CACNA1A: variants seen among roughly 807,000 people sequenced by gnomAD.
The protein encoded by CACNA1A is calcium voltage-gated channel subunit alpha1 A.
Under a neutral mutation model 262.4 loss-of-function variants are expected in CACNA1A, and 57 were observed. The ratio of observed to expected loss-of-function variants is 0.22; its 90% CI spans 0.18 to 0.27. The LOEUF (loss-of-function observed/expected upper bound fraction) is 0.27, where lower values mean the gene tolerates loss of function less well. Among genes scored for constraint, CACNA1A ranks in the 10% least tolerant of loss-of-function variants. CACNA1A has a pLI of 1.00. For missense variants in CACNA1A, 2,526 were observed against 3,562.8 expected (o/e 0.71, Z 7.41); for synonymous variants, 1,431 against 1,419.3 (o/e 1.01, Z -0.18).
chr19:13,397,818 C>G (rs1000805906), intron 3 of CACNA1A, among the ~76,000 whole-genome samples: 2 of 152,160 alleles, frequency 1.3e-5, no homozygotes, highest in Admixed American at 6.6e-5. Flanking sequence ...TCTCCTGTGC[C>G]CTTCTCATGC....
intron 38 of CACNA1A, among the ~76,000 whole-genome samples, chr19:13,216,361 GGA>G (rs2055010933): frequency 6.6e-6 from 1 of 152,020 alleles, no homozygotes; most frequent in Non-Finnish European, 1.5e-5. Context: ...TTTTTGAGAT[GGA>G]GTCTCGCTCT....
chr19:13,207,549 C>T lies in CACNA1A; in HGVS notation c.7285G>A (p.Ala2429Thr). Reference protein sequence around the residue: ...DGPGSGGGEEAMAGAYDAPPP... With the variant: ...DGPGSGGGEETMAGAYDAPPP... Reference sequence around the variant, plus strand: ...GGCGCGTCGTAGGCCCCGGCCATGGCCTCCTCGCCGCCCCCGCTGCCCGGG... The same window carrying T: ...GGCGCGTCGTAGGCCCCGGCCATGGTCTCCTCGCCGCCCCCGCTGCCCGGG... The change falls in exon 47 of 47, where the codon GCC becomes ACC. Residue 2429 changes from alanine to threonine, a missense_variant. Ala to Thr is a moderately conservative substitution (Grantham distance 58). Around this residue, in one of 17 missense-constraint regions of CACNA1A, gnomAD observed 929 missense variants for 868.1 expected, o/e 1.07. Transcript: ENST00000360228. The surrounding 1 kb of genome is among the most constrained non-coding windows in gnomAD (Gnocchi z 5.7). The T allele has an allele frequency of 6.9e-7, 1 of 1,459,074 alleles. No individual in the cohort carries two copies. The highest frequency in any genetic ancestry group is 9.0e-7 in the Non-Finnish European group (1 of 1,105,494). 90.4% of individuals were successfully genotyped at this position (1,459,074 alleles called of 1,614,324 possible). A position where few individuals can be genotyped will look rare whatever the true frequency, so the allele number is the denominator to read the frequency against.
At chr19:13,446,528 G>A (rs1437112747) in intron 3 of CACNA1A, among the ~76,000 whole-genome samples, 3 of 143,294 alleles carry the variant, frequency 2.1e-5, no homozygotes, top group Non-Finnish European at 4.5e-5. Context: ...TGCAACCTCT[G>A]CCTCCTGGAT....
Position 13,334,407 on chromosome 19 carries a change from T to C in CACNA1A, c.1169A>G (p.Asn390Ser), listed in dbSNP as rs1064795477. Reference protein sequence around the residue: ...RRQQQIERELNGYMEWISKAE... With the variant: ...RRQQQIERELSGYMEWISKAE... ...TTTTGAGATCCACTCCATGTACCCA[T>C]TGAGCTCACGTTCAATCTGTTGTTG... is the stretch of plus-strand genomic sequence containing the variant. Residue 390 changes from asparagine to serine, a missense_variant, in exon 8 of 47, where the codon AAT (asparagine) becomes AGT (serine). Transcript: ENST00000360228. 11 of 1,605,780 alleles carry C rather than the reference T, an allele frequency of 6.9e-6. No individual in the cohort carries two copies. Among genetic ancestry groups the C allele is most frequent in the Admixed American group, 5.0e-5 (3 of 59,972 alleles).
intron 3 of CACNA1A, among the ~76,000 whole-genome samples, chr19:13,375,251 G>T (rs114248691): frequency 0.021 from 3,166 of 152,210 alleles, 55 homozygotes; most frequent in South Asian, 0.09. Flanking sequence ...CACATCCATA[G>T]AAGATGGCAA....
intron 3 of CACNA1A, among the ~76,000 whole-genome samples, chr19:13,430,731 TG>T (rs2060491124): frequency 6.6e-6 from 1 of 152,160 alleles, no homozygotes; most frequent in Non-Finnish European, 1.5e-5. Flanking sequence ...GGCATTCTAG[TG>T]GGGGCAGGGG....
At chr19:13,328,010 T>C (rs1163075104) in intron 10 of CACNA1A, among the ~76,000 whole-genome samples, 1 of 152,220 alleles carries the variant, frequency 6.6e-6, no homozygotes, top group Non-Finnish European at 1.5e-5. Context: ...GAAATCCTCC[T>C]GCCTTAGCTT....
chr19:13,465,232 T>C (rs1568673053), intron 1 of CACNA1A, among the ~76,000 whole-genome samples: 1 of 151,816 alleles, frequency 6.6e-6, no homozygotes, highest in Non-Finnish European at 1.5e-5. Flanking sequence ...CGTCCAGCCT[T>C]AGTTCCTTTT....
At chr19:13,279,622 T>C (rs1160127027) in intron 22 of CACNA1A, among the ~76,000 whole-genome samples, 16 of 151,986 alleles carry the variant, frequency 1.1e-4, no homozygotes, top group Admixed American at 9.2e-4. Context: ...GTGTCTGGGA[T>C]TACAGGCGCA....
rs185354265 is a variant in CACNA1A at position 13,318,232 on chromosome 19, G to C, written c.1346-911C>G. ...TAAATTGCATGGTCAAGGTGAGTGTGTTGACTTGTCACTTTAGTATCTTAG... is the reference window on the plus strand; with the variant it reads ...TAAATTGCATGGTCAAGGTGAGTGTCTTGACTTGTCACTTTAGTATCTTAG... On this transcript the variant is annotated intron_variant, in intron 10 of 46. Transcript: ENST00000360228. Among the ~76,000 whole-genome samples, 4 of 152,306 alleles carry C rather than the reference G, an allele frequency of 2.6e-5. No individual in the cohort carries two copies. The East Asian group carries it at 7.7e-4, about 29-fold the overall frequency.
chr19:13,324,034 T>C (rs1195890092), intron 10 of CACNA1A, among the ~76,000 whole-genome samples: 8 of 152,218 alleles, frequency 5.3e-5, no homozygotes, highest in Non-Finnish European at 1.0e-4. Context: ...GTGGTATGTA[T>C]ACAAATAGAA....
chr19:13,440,729 A>T (rs2060704565), intron 3 of CACNA1A, among the ~76,000 whole-genome samples: 2 of 152,202 alleles, frequency 1.3e-5, no homozygotes, highest in Non-Finnish European at 2.9e-5. Flanking sequence ...TAACATCCAT[A>T]AACCCAGCCC....
rs569256989 is a variant in CACNA1A at position 13,377,062 on chromosome 19, C to A, written c.540-5283G>T. Reference sequence around the variant, plus strand: ...GCAACCTCTGACTCCCAGGTTCAAGCGATTCTCCTGCCTCAGCCTCCAGGG... The same window carrying A: ...GCAACCTCTGACTCCCAGGTTCAAGAGATTCTCCTGCCTCAGCCTCCAGGG... On this transcript the variant is annotated intron_variant, in intron 3 of 46. Coordinates refer to ENST00000360228, the MANE Select transcript of CACNA1A (RefSeq NM_001127222.2). Among the ~76,000 whole-genome samples, 8 of 151,926 alleles carry A rather than the reference C, an allele frequency of 5.3e-5. No individual in the cohort carries two copies. The South Asian group carries it at 1.7e-3, about 32-fold the overall frequency.
intron 3 of CACNA1A, among the ~76,000 whole-genome samples, chr19:13,376,955 T>A (rs1392348026): frequency 7.1e-6 from 1 of 141,466 alleles, no homozygotes; most frequent in Non-Finnish European, 1.6e-5. Context: ...ACATATAACA[T>A]GTTATATATA....
intron 1 of CACNA1A, among the ~76,000 whole-genome samples, chr19:13,481,472 G>A (rs368044017): frequency 6.6e-6 from 1 of 152,154 alleles, no homozygotes; most frequent in African/African-American, 2.4e-5. Flanking sequence ...AAGCTTGAAT[G>A]GTGGAAGCTA....
At chr19:13,259,887 T>C (rs1278301034) in intron 26 of CACNA1A, 186 bp from the exon 27 acceptor site, 1 of 606,922 alleles carries the variant, frequency 1.6e-6, no homozygotes, top group Non-Finnish European at 2.9e-6. Context: ...CGTGTGCATC[T>C]ACTTTGAGAT....
intron 1 of CACNA1A, among the ~76,000 whole-genome samples, chr19:13,485,154 G>A (rs755838790): frequency 1.3e-5 from 2 of 152,104 alleles, no homozygotes; most frequent in Non-Finnish European, 2.9e-5. Context: ...GCAAGAATGG[G>A]CTTTTTAATA....
intron 35 of CACNA1A, among the ~76,000 whole-genome samples, chr19:13,230,416 A>G (rs866532327): frequency 3.9e-4 from 59 of 152,084 alleles, no homozygotes; most frequent in African/African-American, 1.4e-3. Context: ...GGTGATGCTC[A>G]CTCACACAAG....
chr19:13,410,414 T>G (rs1474498815), intron 3 of CACNA1A, among the ~76,000 whole-genome samples: 1 of 151,860 alleles, frequency 6.6e-6, no homozygotes, highest in Non-Finnish European at 1.5e-5. Flanking sequence ...ATTTTTTTTG[T>G]AGAGATGGGG....
Sources: allele counts gnomAD v4.1 joint callset (sites outside exome capture counted in the v4.1 genomes callset), GRCh38; gene constraint gnomAD v4.1.1; regional missense constraint gnomAD v4.1.1; non-coding constraint Gnocchi (gnomAD v3.1); transcripts MANE v1.5; gene names NCBI Gene and HGNC (gene_info 2026-07-23, HGNC 2026-07-21).